SCARB1: variants seen among roughly 807,000 people sequenced by gnomAD.
SCARB1 encodes CD36 and LIMPII analogous 1.
SCARB1 carries 30 observed loss-of-function variants against 57.2 expected under a neutral mutation model. The ratio of observed to expected loss-of-function variants is 0.52; its 90% CI spans 0.39 to 0.71. The LOEUF (loss-of-function observed/expected upper bound fraction) is 0.71. Ranked by LOEUF, SCARB1 falls within the 30% of genes least tolerant of loss-of-function variation. The pLI, the probability that SCARB1 is intolerant of heterozygous loss-of-function variation, is 0.00. For synonymous variants in SCARB1, 249 were observed against 268.3 expected, an observed-to-expected ratio of 0.93 and a Z score of 0.70; for missense variants, 543 against 671.2, an observed-to-expected ratio of 0.81 and a Z score of 2.11.
At chr12:124,799,646 T>G (rs1428931196) in intron 8 of SCARB1, among the ~76,000 whole-genome samples, 1 of 152,018 alleles carries the variant, frequency 6.6e-6, no homozygotes, top group Non-Finnish European at 1.5e-5. Context: ...CTGGGCATAT[T>G]TTACAGAGAA....
At chr12:124,788,348 A>G (rs1458863670) in intron 9 of SCARB1, among the ~76,000 whole-genome samples, 1 of 152,258 alleles carries the variant, frequency 6.6e-6, no homozygotes, top group Non-Finnish European at 1.5e-5. Flanking sequence ...ACCCAGTTAA[A>G]GACTCCACTT....
intron 8 of SCARB1, among the ~76,000 whole-genome samples, chr12:124,797,572 G>C (rs1199454429): frequency 6.6e-6 from 1 of 152,244 alleles, no homozygotes; most frequent in African/African-American, 2.4e-5. Flanking sequence ...ACAGCTGTTT[G>C]CCTCTCTCTG....
rs377124254 is a variant in SCARB1, at chr12:124,787,354, C to T, written c.1254+52G>A. On this transcript the variant is annotated intron_variant, in intron 10 of 12. Coordinates refer to ENST00000261693, the MANE Select transcript of SCARB1 (RefSeq NM_005505.5). ...TCCCCCCGCCTCCTGCCTCAAATGCCCACATTGGCTCTTAACAAAAGCCCC... is the reference window on the plus strand; with the variant it reads ...TCCCCCCGCCTCCTGCCTCAAATGCTCACATTGGCTCTTAACAAAAGCCCC... 1.2e-4 allele frequency: 193 copies of T among 1,574,422 alleles called. No individual in the cohort carries two copies. The African/African-American group carries it at 2.4e-3, about 20-fold the overall frequency.
intron 7 of SCARB1, among the ~76,000 whole-genome samples, chr12:124,806,686 G>C (rs1950335322): frequency 6.6e-6 from 1 of 152,160 alleles, no homozygotes; most frequent in Non-Finnish European, 1.5e-5. Flanking sequence ...CTTGAGGCCA[G>C]GTGTTTGAGA....
chr12:124,788,968 G>T (rs1243846652), intron 9 of SCARB1, among the ~76,000 whole-genome samples: 2 of 152,186 alleles, frequency 1.3e-5, no homozygotes, highest in African/African-American at 4.8e-5. Context: ...ACAGCAAATT[G>T]ATGATGGTGG....
chr12:124,838,807 G>C lies in SCARB1; in HGVS notation c.127-21100C>G, dbSNP rs545378556. 4.0e-3 allele frequency among the ~76,000 whole-genome samples: 492 copies of C among 122,026 alleles called. 1 individual carries two copies. Among genetic ancestry groups the C allele is most frequent in the Non-Finnish European group, 6.1e-3 (378 of 62,030 alleles). 80.1% of individuals were successfully genotyped at this position (122,026 alleles called of 152,430 possible). A position where few individuals can be genotyped will look rare whatever the true frequency, so the allele number is the denominator to read the frequency against. On this transcript the variant is annotated intron_variant, in intron 1 of 12. Coordinates refer to ENST00000261693, the MANE Select transcript of SCARB1 (RefSeq NM_005505.5). ...TTTTTTTTTTTTGAGATGGAGTCTC[G>C]GTCTGTCACCCAGGCTGGAGTGCAG...
At chr12:124,790,328 T>C (rs1202646556) in intron 9 of SCARB1, among the ~76,000 whole-genome samples, 2 of 152,126 alleles carry the variant, frequency 1.3e-5, no homozygotes, top group African/African-American at 4.8e-5. Context: ...CAGTGAACTA[T>C]AGATCATGCC....
intron 1 of SCARB1, among the ~76,000 whole-genome samples, chr12:124,820,463 G>C (rs1302956543): frequency 6.6e-6 from 1 of 151,842 alleles, no homozygotes; most frequent in East Asian, 1.9e-4. Context: ...CCCACCCCAT[G>C]GCGGCTCCCA....
At chr12:124,782,477 G>C (rs1332289234) in intron 12 of SCARB1, among the ~76,000 whole-genome samples, 1 of 152,042 alleles carries the variant, frequency 6.6e-6, no homozygotes, top group Non-Finnish European at 1.5e-5. Flanking sequence ...TTGCCCTCTG[G>C]GATCAAAAAA....
intron 1 of SCARB1, among the ~76,000 whole-genome samples, chr12:124,857,675 A>C (rs1267160728): frequency 1.3e-5 from 2 of 152,232 alleles, no homozygotes; most frequent in Admixed American, 6.5e-5. Context: ...TCAGGAAAAA[A>C]GCATGCAGGC....
At position 124,844,075 on chromosome 12, in the gene SCARB1, G is replaced by C. The variant is rs542033541; in HGVS notation, c.126+19520C>G. On this transcript the variant is annotated intron_variant, in intron 1 of 12. Coordinates refer to ENST00000261693, the MANE Select transcript of SCARB1 (RefSeq NM_005505.5). The stretch of plus-strand genomic sequence containing the variant: ...CCCAGGAAATTGTGGAGAAGTACAA[G>C]GCAGCAGGGTCCAGCATATTTGCTG... 3.9e-5 allele frequency among the ~76,000 whole-genome samples: 6 copies of C among 152,254 alleles called. No individual in the cohort carries two copies. The South Asian group carries it at 1.2e-3, about 32-fold the overall frequency.
At chr12:124,780,314 C>A (rs1430695292) in intron 12 of SCARB1, among the ~76,000 whole-genome samples, 1 of 152,212 alleles carries the variant, frequency 6.6e-6, no homozygotes, top group East Asian at 1.9e-4. Context: ...AGCCCCCTGC[C>A]CTACAGCAGG....
chr12:124,837,583 GAAAAGAAAAGA>G (rs778424421), intron 1 of SCARB1, among the ~76,000 whole-genome samples: 20,712 of 61,818 alleles, frequency 0.34, 2,772 homozygotes, highest in South Asian at 0.48. Flanking sequence ...GAAAAGAAAA[GAAAAGAAAAGA>G]AAAGTCAGCC....
intron 1 of SCARB1, among the ~76,000 whole-genome samples, chr12:124,844,306 C>G (rs997743859): frequency 3.9e-5 from 6 of 152,194 alleles, no homozygotes; most frequent in Non-Finnish European, 5.9e-5. Context: ...AAGCCGCCCT[C>G]TCCTCAGACG....
At chr12:124,813,276 CA>C (rs1261328616) in intron 4 of SCARB1, among the ~76,000 whole-genome samples, 9 of 152,200 alleles carry the variant, frequency 5.9e-5, no homozygotes, top group Admixed American at 5.9e-4. Context: ...ATCTGCTCCC[CA>C]AAGCCCCACC....
Position 124,814,920 on chromosome 12 carries a change from G to C in SCARB1, c.426+53C>G. 1 of 1,610,898 alleles carries C rather than the reference G, an allele frequency of 6.2e-7. No homozygotes were observed. Among genetic ancestry groups the C allele is most frequent in the Non-Finnish European group, 8.5e-7 (1 of 1,178,260 alleles). ...TGCACAAGGGGCAGGCGGGAGGAGA[G>C]ACAGGGGACGAGGTCAGGGTGCGAG... On this transcript the variant is annotated intron_variant, in intron 3 of 12. Coordinates refer to ENST00000261693, the MANE Select transcript of SCARB1 (RefSeq NM_005505.5). This position sits in a 1 kb window ranked among gnomAD's most constrained non-coding sequence, Gnocchi z 4.7.
chr12:124,839,506 A>G (rs1442701939), intron 1 of SCARB1, among the ~76,000 whole-genome samples: 3 of 152,194 alleles, frequency 2.0e-5, no homozygotes, highest in Non-Finnish European at 4.4e-5. Flanking sequence ...CAGCGCTGCA[A>G]TGAACGCGGT....
intron 1 of SCARB1, among the ~76,000 whole-genome samples, chr12:124,824,824 C>T (rs566193436): frequency 6.6e-6 from 1 of 152,370 alleles, no homozygotes; most frequent in African/African-American, 2.4e-5. Flanking sequence ...GCACACCCAC[C>T]AGAAGCCTCA....
intron 1 of SCARB1, among the ~76,000 whole-genome samples, chr12:124,826,252 G>A (rs2135724963): frequency 6.7e-6 from 1 of 149,948 alleles, no homozygotes; most frequent in African/African-American, 2.5e-5. Flanking sequence ...GATCACTTGA[G>A]CCTGAGAGTT....
Sources: gnomAD v4.1 joint callset for allele counts (sites outside exome capture counted in the v4.1 genomes callset) on GRCh38, gnomAD v4.1.1 for gene constraint, Gnocchi (gnomAD v3.1) non-coding constraint, MANE v1.5 for transcripts, NCBI Gene and HGNC (gene_info 2026-07-23, HGNC 2026-07-21) for gene names.